ST18: variants seen among roughly 807,000 people sequenced by gnomAD.
ST18 encodes ST18 C2H2C-type zinc finger transcription factor.
Under a neutral mutation model 110.0 loss-of-function variants are expected in ST18, and 50 were observed. That is an observed-to-expected ratio of 0.45 (90% CI 0.36 to 0.58). The LOEUF (loss-of-function observed/expected upper bound fraction) is 0.58. ST18 is among the 20% of genes least tolerant of loss of function. The pLI is 0.00. For synonymous variants in ST18, 461 were observed against 452.4 expected, an observed-to-expected ratio of 1.02 and a Z score of -0.24; for missense variants, 1,306 against 1,280.1, an observed-to-expected ratio of 1.02 and a Z score of -0.31.
At chr8:52,355,108 G>A (rs1460447155) in intron 2 of ST18, among the ~76,000 whole-genome samples, 1 of 152,116 alleles carries the variant, frequency 6.6e-6, no homozygotes, top group Non-Finnish European at 1.5e-5. Flanking sequence ...ACACTGTGAG[G>A]GTTCCTGCAG....
chr8:52,242,646 C>T (rs2093528291), intron 2 of ST18, among the ~76,000 whole-genome samples: 1 of 152,126 alleles, frequency 6.6e-6, no homozygotes, highest in South Asian at 2.1e-4. Flanking sequence ...CAAGACCAGC[C>T]TGCCTGGCCA....
Position 52,149,827 on chromosome 8 carries a change from T to C in ST18, c.1957A>G (p.Asn653Asp). The change falls in exon 16 of 26, where the codon AAT becomes GAT. Residue 653 changes from asparagine to aspartate, a missense_variant. Asn to Asp is a conservative substitution (Grantham distance 23). Transcript: ENST00000689386. ...SPFKTSSILVNAAFYQALCDQ... is the reference protein window; with the variant it reads ...SPFKTSSILVDAAFYQALCDQ... ...CAAAGAGCCTGATAGAATGCTGCATTGACCAGAATGCTGCTTGTTTTGAAT... is the reference window on the plus strand; with the variant it reads ...CAAAGAGCCTGATAGAATGCTGCATCGACCAGAATGCTGCTTGTTTTGAAT... 1 of 1,614,158 alleles carries C rather than the reference T, an allele frequency of 6.2e-7. No homozygotes were observed. Among genetic ancestry groups the C allele is most frequent in the South Asian group, 1.1e-5 (1 of 91,084 alleles).
chr8:52,131,881 C>T, intron 22 of ST18, 77 bp downstream of exon 22: 1 of 1,438,286 alleles, frequency 7.0e-7, no homozygotes, highest in Non-Finnish European at 9.6e-7. Flanking sequence ...GGGGGTTGTT[C>T]ACAACCCTCT....
At chr8:52,118,282 G>T in intron 24 of ST18, 56 bp downstream of exon 24, 2 of 1,202,162 alleles carry the variant, frequency 1.7e-6, no homozygotes, top group East Asian at 2.4e-5. Context: ...TCAATGTTTT[G>T]TTTCCACCAA....
chr8:52,375,062 T>C (rs1389701001), intron 2 of ST18, among the ~76,000 whole-genome samples: 1 of 152,098 alleles, frequency 6.6e-6, no homozygotes, highest in African/African-American at 2.4e-5. Flanking sequence ...TTCAACTTGA[T>C]CCTGTCTCCC....
At chr8:52,328,146 G>A (rs1807356589) in intron 2 of ST18, among the ~76,000 whole-genome samples, 1 of 152,128 alleles carries the variant, frequency 6.6e-6, no homozygotes, top group Non-Finnish European at 1.5e-5. Flanking sequence ...CCTAGTTTTG[G>A]TTTGTGATTA....
At position 52,180,385 on chromosome 8, in the gene ST18, A is replaced by G. The variant is rs2068918293; in HGVS notation, c.87-73T>C. The G allele has an allele frequency of 3.9e-6, 6 of 1,543,744 alleles. No individual in the cohort carries two copies. In the Admixed American group the frequency reaches 1.0e-4, roughly 27 times the overall value. On this transcript the variant is annotated intron_variant, in intron 8 of 25. Coordinates refer to ENST00000689386, the MANE Select transcript of ST18 (RefSeq NM_001352837.2). ...GCTGTTTGGCATTTAACTTTCATGA[A>G]GTCTAACCTAAAGCCTTTGGAAACT...
At chr8:52,407,885 T>C (rs1263114262) in intron 2 of ST18, 1 of 152,198 alleles carries the variant, frequency 6.6e-6, no homozygotes, top group Non-Finnish European at 1.5e-5. Flanking sequence ...CCACCCCAAT[T>C]CATCAATACA....
intron 2 of ST18, among the ~76,000 whole-genome samples, chr8:52,401,139 A>C (rs1267258711): frequency 6.6e-6 from 1 of 152,152 alleles, no homozygotes; most frequent in African/African-American, 2.4e-5. Context: ...ACTTTTAAGT[A>C]TATTTCTCCC....
intron 17 of ST18, among the ~76,000 whole-genome samples, chr8:52,138,578 C>T (rs573573816): frequency 3.3e-5 from 5 of 152,308 alleles, no homozygotes; most frequent in African/African-American, 1.2e-4. Context: ...AGTGAGACCC[C>T]ATCTCTAAAA....
intron 14 of ST18, 50 bp from the exon 15 acceptor site, chr8:52,159,159 T>A: frequency 6.5e-7 from 1 of 1,531,348 alleles, no homozygotes; most frequent in South Asian, 1.2e-5. Flanking sequence ...GTTTTAGTCA[T>A]TAAACAGATT....
chr8:52,176,744 A>C (rs1187837581), intron 9 of ST18, among the ~76,000 whole-genome samples: 1 of 152,236 alleles, frequency 6.6e-6, no homozygotes, highest in Admixed American at 6.5e-5. Flanking sequence ...TGTTCTGCAA[A>C]GATACAACTT....
At chr8:52,194,148 T>C (rs796722717) in intron 8 of ST18, among the ~76,000 whole-genome samples, 58 of 152,320 alleles carry the variant, frequency 3.8e-4, no homozygotes, top group African/African-American at 1.4e-3. Context: ...CCACAGAATT[T>C]TTTTCATAAA....
chr8:52,363,637 C>T (rs1353851527), intron 2 of ST18, among the ~76,000 whole-genome samples: 1 of 152,126 alleles, frequency 6.6e-6, no homozygotes, highest in Non-Finnish European at 1.5e-5. Context: ...ATATATTAAG[C>T]ATGTTACATG....
At chr8:52,174,573 T>G (rs921291138) in intron 9 of ST18, among the ~76,000 whole-genome samples, 20 of 152,204 alleles carry the variant, frequency 1.3e-4, no homozygotes. Context: ...TCCTATTAAG[T>G]GCAGATCACC....
At chr8:52,380,616 C>T (rs573551635) in intron 2 of ST18, among the ~76,000 whole-genome samples, 7 of 152,240 alleles carry the variant, frequency 4.6e-5, no homozygotes, top group African/African-American at 1.4e-4. Context: ...AAATCCCAAT[C>T]TCACAGTTAG....
intron 5 of ST18, among the ~76,000 whole-genome samples, chr8:52,219,835 T>C (rs2085943413): frequency 6.6e-6 from 1 of 152,216 alleles, no homozygotes; most frequent in South Asian, 2.1e-4. Context: ...ATAAGGTGAA[T>C]GGTTGGTTTT....
chr8:52,148,984 T>A (rs1456554511), intron 16 of ST18, among the ~76,000 whole-genome samples: 1 of 152,208 alleles, frequency 6.6e-6, no homozygotes, highest in African/African-American at 2.4e-5. Context: ...ACTGACTTAC[T>A]GTAATAATTA....
chr8:52,200,625 C>T (rs2077644470), intron 8 of ST18, among the ~76,000 whole-genome samples: 1 of 152,150 alleles, frequency 6.6e-6, no homozygotes, highest in Non-Finnish European at 1.5e-5. Context: ...AGAACAGAGG[C>T]AGGAAAGCCT....
Sources: gnomAD v4.1 joint callset for allele counts (sites outside exome capture counted in the v4.1 genomes callset) on GRCh38, gnomAD v4.1.1 for gene constraint, MANE v1.5 for transcripts, NCBI Gene and HGNC (gene_info 2026-07-23, HGNC 2026-07-21) for gene names.